Variants in ARK2C observed in about 807,000 individuals in gnomAD.
ARK2C encodes arkadia (RNF111) C-terminal like ring finger ubiquitin ligase 2C, also known as E3 ubiquitin-protein ligase ARK2C.
the ARK2C span, chr18:46,458,987 G>A: frequency 1.1e-4 from 17 of 152,374 alleles, no homozygotes; most frequent in African/African-American, 4.1e-4. Flanking sequence ...TTGGGGGAAA[G>A]CTAGTTACTG....
At chr18:46,397,840 TA>T in the ARK2C span, among the ~76,000 whole-genome samples, 1 of 119,514 alleles carries the variant, frequency 8.4e-6, no homozygotes, top group Non-Finnish European at 1.7e-5. Flanking sequence ...CATGCTGGGG[TA>T]GGAGGGTGTG....
chr18:46,437,830 C>A, the ARK2C span, among the ~76,000 whole-genome samples: 1 of 152,352 alleles, frequency 6.6e-6, no homozygotes, highest in African/African-American at 2.4e-5. Flanking sequence ...CTATACCCCA[C>A]TCTGTCACAG....
At chr18:46,410,819 T>G in the ARK2C span, among the ~76,000 whole-genome samples, 6 of 152,216 alleles carry the variant, frequency 3.9e-5, no homozygotes, top group African/African-American at 1.4e-4. Flanking sequence ...TCTTCAATTG[T>G]CCAGGCTCAT....
the ARK2C span, among the ~76,000 whole-genome samples, chr18:46,453,751 G>A: frequency 0.011 from 1,663 of 151,640 alleles, 32 homozygotes; most frequent in African/African-American, 0.039. Context: ...AAAATACTGA[G>A]TCAAAATAGA....
At chr18:46,398,496 G>A in the ARK2C span, among the ~76,000 whole-genome samples, 3 of 152,168 alleles carry the variant, frequency 2.0e-5, no homozygotes, top group African/African-American at 7.2e-5. Context: ...ACACAGGTGA[G>A]ACAATTGGCC....
At chr18:46,358,179 A>T in the ARK2C span, among the ~76,000 whole-genome samples, 2 of 152,210 alleles carry the variant, frequency 1.3e-5, no homozygotes, top group African/African-American at 2.4e-5. Context: ...AGGATGAGTC[A>T]TGCAGGCCTC....
the ARK2C span, chr18:46,433,464 G>C: frequency 1.9e-6 from 3 of 1,612,446 alleles, no homozygotes; most frequent in African/African-American, 4.0e-5. Context: ...TGCAGCAGCA[G>C]CTCCTGGAAG....
At chr18:46,393,969 G>A in the ARK2C span, among the ~76,000 whole-genome samples, 3 of 152,334 alleles carry the variant, frequency 2.0e-5, no homozygotes, top group Admixed American at 6.5e-5. Flanking sequence ...ATTCTGGAGG[G>A]AGGATGCAGT....
chr18:46,391,133 G>A, the ARK2C span, among the ~76,000 whole-genome samples: 1 of 152,136 alleles, frequency 6.6e-6, no homozygotes, highest in African/African-American at 2.4e-5. Flanking sequence ...GGCACCAATC[G>A]CCTCCATAAA....
chr18:46,399,400 C>T, the ARK2C span, among the ~76,000 whole-genome samples: 4 of 152,222 alleles, frequency 2.6e-5, no homozygotes, highest in South Asian at 4.1e-4. Context: ...CCATTTTAGG[C>T]TGGGCCAGGC....
chr18:46,371,352 C>T, the ARK2C span, among the ~76,000 whole-genome samples: 21 of 152,224 alleles, frequency 1.4e-4, no homozygotes, highest in South Asian at 8.3e-4. Flanking sequence ...AGGAGGGTCA[C>T]GGGGTCTGAT....
At chr18:46,356,929 G>A in the ARK2C span, among the ~76,000 whole-genome samples, 4 of 152,184 alleles carry the variant, frequency 2.6e-5, no homozygotes, top group Admixed American at 6.5e-5. Context: ...CTGGAAAGGC[G>A]TGATCTGTGC....
the ARK2C span, among the ~76,000 whole-genome samples, chr18:46,358,312 G>T: frequency 6.6e-6 from 1 of 152,144 alleles, no homozygotes; most frequent in Non-Finnish European, 1.5e-5. Flanking sequence ...GAGAATCCAG[G>T]TACATGGGGA....
At chr18:46,375,217 T>C in the ARK2C span, among the ~76,000 whole-genome samples, 1 of 152,194 alleles carries the variant, frequency 6.6e-6, no homozygotes. Context: ...ACTGGCCGCA[T>C]CTATATATTG....
At chr18:46,365,499 T>A in the ARK2C span, among the ~76,000 whole-genome samples, 3 of 151,646 alleles carry the variant, frequency 2.0e-5, no homozygotes, top group African/African-American at 4.8e-5. Context: ...TGATCTTGAA[T>A]TTTTTTTTGT....
chr18:46,420,102 C>G, the ARK2C span, among the ~76,000 whole-genome samples: 8 of 152,124 alleles, frequency 5.3e-5, no homozygotes, highest in African/African-American at 1.9e-4. Flanking sequence ...ATTTCAGGGG[C>G]GTGTGGAGGT....
At chr18:46,343,541 C>T in the ARK2C span, among the ~76,000 whole-genome samples, 2 of 152,212 alleles carry the variant, frequency 1.3e-5, no homozygotes, top group Non-Finnish European at 2.9e-5. Flanking sequence ...CCATGTGGGA[C>T]AGTGGAAATA....
chr18:46,435,506 C>T, the ARK2C span: 3 of 855,680 alleles, frequency 3.5e-6, no homozygotes, highest in Non-Finnish European at 5.6e-6. Context: ...CGCAGGAGGC[C>T]TAGTTCTCAG....
the ARK2C span, among the ~76,000 whole-genome samples, chr18:46,380,757 G>A: frequency 6.6e-6 from 1 of 152,190 alleles, no homozygotes; most frequent in Admixed American, 6.5e-5. Flanking sequence ...TGAGTGGCCT[G>A]CTAGCTAAGG....
Sources: allele counts gnomAD v4.1 joint callset (sites outside exome capture counted in the v4.1 genomes callset), GRCh38; gene constraint gnomAD v4.1.1; transcripts MANE v1.5; gene names NCBI Gene and HGNC (gene_info 2026-07-23, HGNC 2026-07-21).